The following PLPPR5 variants were observed in gnomAD, a reference collection of about 807,000 sequenced individuals.
PLPPR5 encodes phospholipid phosphatase-related protein type 5.
PLPPR5 carries 16 observed loss-of-function variants against 33.9 expected under a neutral mutation model. That is an observed-to-expected ratio of 0.47 (90% CI 0.32 to 0.72). PLPPR5 has a LOEUF of 0.72. Among genes scored for constraint, PLPPR5 ranks in the 30% least tolerant of loss-of-function variants. PLPPR5 has a pLI of 0.03. For missense variants in PLPPR5, 301 were observed against 406.7 expected, an observed-to-expected ratio of 0.74 and a Z score of 2.23; for synonymous variants, 163 against 150.3, an observed-to-expected ratio of 1.08 and a Z score of -0.62.
chr1:98,903,607 T>G (rs961511595), intron 5 of PLPPR5, among the ~76,000 whole-genome samples: 4 of 152,038 alleles, frequency 2.6e-5, no homozygotes, highest in Admixed American at 1.3e-4. Context: ...ATCCATGAAG[T>G]CTTTGTATGG....
rs893415880 is a variant in PLPPR5 at position 99,004,289 on chromosome 1, T to C, written c.237+146A>G. On this transcript the variant is annotated intron_variant, in intron 1 of 5. Coordinates refer to ENST00000263177, the MANE Select transcript of PLPPR5 (RefSeq NM_001037317.2). ...GCACCCACCCTCACGCGCCCTAGAA[T>C]GTCCTCTGGGGAAGGGGCTGCCCAT... The C allele has an allele frequency of 5.8e-6, 4 of 684,436 alleles. No homozygotes were observed. In the African/African-American group the frequency reaches 7.3e-5, roughly 13 times the overall value. The allele number at this position is 684,436 out of a possible 1,614,324, so 42.4% of individuals were successfully genotyped here. A position where few individuals can be genotyped will look rare whatever the true frequency, so the allele number is the denominator to read the frequency against.
intron 4 of PLPPR5, among the ~76,000 whole-genome samples, chr1:98,915,505 CAT>C (rs1649311730): frequency 6.6e-6 from 1 of 151,630 alleles, no homozygotes; most frequent in Admixed American, 6.6e-5. Context: ...AACATGTATA[CAT>C]ATGTAACCTG....
At chr1:98,933,858 G>T (rs985858750) in intron 3 of PLPPR5, among the ~76,000 whole-genome samples, 3 of 152,184 alleles carry the variant, frequency 2.0e-5, no homozygotes, top group African/African-American at 7.2e-5. Context: ...TGGGCAACGT[G>T]AGCAGATGTA....
At chr1:98,976,724 CTTA>C (rs1382134036) in intron 1 of PLPPR5, among the ~76,000 whole-genome samples, 2 of 151,948 alleles carry the variant, frequency 1.3e-5, no homozygotes, top group African/African-American at 4.8e-5. Flanking sequence ...TAAAAAATAA[CTTA>C]TTAATAAGTG....
At chr1:98,906,871 A>G (rs35502920) in intron 5 of PLPPR5, among the ~76,000 whole-genome samples, 108,269 of 152,110 alleles carry the variant, frequency 0.71, 39,062 homozygotes, top group East Asian at 0.8. Flanking sequence ...TGCCCCATTT[A>G]TCATCTTCTT....
intron 1 of PLPPR5, among the ~76,000 whole-genome samples, chr1:98,983,722 T>C (rs1159301061): frequency 6.6e-6 from 1 of 151,876 alleles, no homozygotes; most frequent in Non-Finnish European, 1.5e-5. Flanking sequence ...AAAGTGTTCC[T>C]ATTTCTCCAC....
At chr1:98,996,097 GAGTCCAA>G (rs1652623145) in intron 1 of PLPPR5, among the ~76,000 whole-genome samples, 2 of 152,106 alleles carry the variant, frequency 1.3e-5, no homozygotes, top group Non-Finnish European at 2.9e-5. Flanking sequence ...TCAACTGACA[GAGTCCAA>G]GAGACCTACA....
chr1:98,985,136 G>A (rs1652206387), intron 1 of PLPPR5, among the ~76,000 whole-genome samples: 1 of 152,030 alleles, frequency 6.6e-6, no homozygotes, highest in African/African-American at 2.4e-5. Flanking sequence ...TAGAACAATA[G>A]ATGACGGCTG....
intron 3 of PLPPR5, among the ~76,000 whole-genome samples, chr1:98,949,912 A>G (rs1474339480): frequency 1.3e-5 from 2 of 152,164 alleles, no homozygotes; most frequent in Non-Finnish European, 2.9e-5. Context: ...ACAAGCAGGA[A>G]TCCTAGTTTG....
chr1:98,900,153 A>G (rs1260455380), intron 5 of PLPPR5, among the ~76,000 whole-genome samples: 1 of 152,122 alleles, frequency 6.6e-6, no homozygotes, highest in Non-Finnish European at 1.5e-5. Context: ...CCAGTCTATC[A>G]TGCTCCTTAT....
At chr1:98,996,933 C>G (rs1265524912) in intron 1 of PLPPR5, among the ~76,000 whole-genome samples, 1 of 152,068 alleles carries the variant, frequency 6.6e-6, no homozygotes, top group Non-Finnish European at 1.5e-5. Context: ...CAACTGCAGC[C>G]AACAGAGCAT....
chr1:98,959,872 T>A (rs577496405), intron 1 of PLPPR5, among the ~76,000 whole-genome samples: 1 of 152,052 alleles, frequency 6.6e-6, no homozygotes, highest in Non-Finnish European at 1.5e-5. Flanking sequence ...AAACAGAGAG[T>A]TGCTGTCATT....
At chr1:98,932,649 G>T (rs1650021981) in intron 3 of PLPPR5, among the ~76,000 whole-genome samples, 1 of 152,106 alleles carries the variant, frequency 6.6e-6, no homozygotes, top group Non-Finnish European at 1.5e-5. Flanking sequence ...TATTTTCCAG[G>T]AATCTATTGA....
Position 98,956,600 on chromosome 1 carries a change from A to G in PLPPR5, c.370+9T>C, listed in dbSNP as rs1197664067. On this transcript the variant is annotated intron_variant, in intron 2 of 5. Coordinates refer to ENST00000263177, the MANE Select transcript of PLPPR5 (RefSeq NM_001037317.2). The stretch of plus-strand genomic sequence containing the variant: ...CAGAAATATTAAAAATAATTTAATG[A>G]ACACATACCAAGAAATCGGACAGTT... 3 of 1,569,522 alleles carry G rather than the reference A, an allele frequency of 1.9e-6. No homozygotes were observed. Among genetic ancestry groups the G allele is most frequent in the Non-Finnish European group, 2.6e-6 (3 of 1,163,760 alleles).
chr1:98,925,831 A>T (rs1368440634), intron 3 of PLPPR5, among the ~76,000 whole-genome samples: 1 of 152,198 alleles, frequency 6.6e-6, no homozygotes, highest in African/African-American at 2.4e-5. Context: ...ATGGTGGGGG[A>T]AAGGTGTCCT....
intron 3 of PLPPR5, among the ~76,000 whole-genome samples, chr1:98,923,826 C>T (rs2391979): frequency 0.5 from 76,550 of 151,994 alleles, 20,061 homozygotes; most frequent in East Asian, 0.76. Context: ...GATGCTTTTG[C>T]CATTCTGAGA....
intron 4 of PLPPR5, among the ~76,000 whole-genome samples, chr1:98,920,329 T>A (rs1649499223): frequency 1.3e-5 from 2 of 152,020 alleles, no homozygotes; most frequent in Non-Finnish European, 2.9e-5. Context: ...CTGACACCAG[T>A]GCTTTGAAAT....
chr1:99,001,255 C>A (rs575159478), intron 1 of PLPPR5, among the ~76,000 whole-genome samples: 1 of 151,836 alleles, frequency 6.6e-6, no homozygotes, highest in African/African-American at 2.4e-5. Context: ...CTGCCTCAGC[C>A]TCCTCAGTAG....
chr1:98,972,016 A>G (rs1242375882), intron 1 of PLPPR5, among the ~76,000 whole-genome samples: 1 of 151,984 alleles, frequency 6.6e-6, no homozygotes, highest in Non-Finnish European at 1.5e-5. Context: ...TCTGTGCTAC[A>G]TTCTCCAGCT....
Sources: allele counts gnomAD v4.1 joint callset (sites outside exome capture counted in the v4.1 genomes callset), GRCh38; gene constraint gnomAD v4.1.1; transcripts MANE v1.5; gene names NCBI Gene and HGNC (gene_info 2026-07-23, HGNC 2026-07-21).